The following TSPAN11 variants were observed in gnomAD, a reference collection of about 807,000 sequenced individuals.
TSPAN11 encodes the protein tetraspanin-11.
In TSPAN11, 29 loss-of-function variants were observed where a neutral mutation model predicts 32.9. The ratio of observed to expected loss-of-function variants is 0.88; its 90% CI spans 0.66 to 1.20. The LOEUF is 1.20. Among genes scored for constraint, TSPAN11 ranks in the 50% most tolerant of loss-of-function variants. The pLI is 0.00. For missense variants in TSPAN11, 283 were observed against 329.1 expected (o/e 0.86, Z 1.08); for synonymous variants, 140 against 141.3 (o/e 0.99, Z 0.07).
downstream of TSPAN11, among the ~76,000 whole-genome samples, chr12:31,001,030 C>T (rs1939473084): frequency 6.6e-6 from 1 of 152,206 alleles, no homozygotes. Flanking sequence ...ACTGCAGCGC[C>T]TGTGCCTGAT....
At chr12:30,943,281 C>G (rs1186725644) in intron 1 of TSPAN11, among the ~76,000 whole-genome samples, 2 of 152,184 alleles carry the variant, frequency 1.3e-5, no homozygotes, top group East Asian at 3.8e-4. Context: ...AAGGAAAAGT[C>G]AAACGTCTGC....
rs112150592 is a variant in TSPAN11 at position 30,939,722 on chromosome 12, G to A, written c.-12+12926G>A. 4.8e-3 allele frequency among the ~76,000 whole-genome samples: 727 copies of A among 152,210 alleles called. 1 individual carries two copies. The highest frequency in any genetic ancestry group is 7.2e-3 in the Non-Finnish European group (491 of 68,012). On this transcript the variant is annotated intron_variant, in intron 1 of 7. Transcript: ENST00000546076. The stretch of plus-strand genomic sequence containing the variant: ...GGAGCAAAGGCAAGAAAAAGAGGGC[G>A]AAGGGTTAGGAGAAGTGAGGAGACT...
downstream of TSPAN11, among the ~76,000 whole-genome samples, chr12:31,000,352 G>C (rs112426505): frequency 6.6e-6 from 1 of 152,100 alleles, no homozygotes; most frequent in African/African-American, 2.4e-5. Flanking sequence ...CTGTATCCCC[G>C]GCTTTCAGCC....
rs1320892153 is a variant in TSPAN11, at chr12:30,926,899, G to A, written c.-12+103G>A. ...CGCTGCCCGCCCCGCCGGCAGTCCC[G>A]AGCTAGACTGTCCCGAGCTTCCCCC... On this transcript the variant is annotated intron_variant, in intron 1 of 7. Transcript: ENST00000546076. 1.1e-5 allele frequency: 14 copies of A among 1,274,270 alleles called. No homozygotes were observed. The Admixed American group carries it at 2.9e-4, about 27-fold the overall frequency. The allele number at this position is 1,274,270 out of a possible 1,614,324, so 78.9% of individuals were successfully genotyped here. A position where few individuals can be genotyped will look rare whatever the true frequency, so the allele number is the denominator to read the frequency against.
At chr12:30,988,363 G>C (rs1939243339) in intron 7 of TSPAN11, 1 of 152,332 alleles carries the variant, frequency 6.6e-6, no homozygotes, top group African/African-American at 2.4e-5. Context: ...GCGGAGGCAG[G>C]GGGATCACAA....
downstream of TSPAN11, among the ~76,000 whole-genome samples, chr12:31,000,475 G>A (rs557250350): frequency 2.0e-5 from 3 of 152,310 alleles, no homozygotes; most frequent in South Asian, 2.1e-4. Flanking sequence ...GCCTCTATAC[G>A]CATGCTTTTA....
chr12:30,980,050 C>T (rs1211364898), intron 5 of TSPAN11, among the ~76,000 whole-genome samples: 1 of 152,208 alleles, frequency 6.6e-6, no homozygotes, highest in Non-Finnish European at 1.5e-5. Context: ...GTGGGGCTGC[C>T]TTCCTCCTTC....
chr12:30,944,997 C>G (rs2140278015), intron 1 of TSPAN11, among the ~76,000 whole-genome samples: 1 of 152,294 alleles, frequency 6.6e-6, no homozygotes, highest in Middle Eastern at 3.4e-3. Context: ...CAGACTGTTC[C>G]AGGCCCTAAC....
At chr12:30,964,984 T>C (rs1343167752) in intron 3 of TSPAN11, among the ~76,000 whole-genome samples, 3 of 152,186 alleles carry the variant, frequency 2.0e-5, no homozygotes, top group African/African-American at 7.2e-5. Flanking sequence ...CACCCCCACA[T>C]GGGGCCTACC....
At chr12:30,939,300 A>C (rs896045980) in intron 1 of TSPAN11, among the ~76,000 whole-genome samples, 9 of 151,658 alleles carry the variant, frequency 5.9e-5, no homozygotes, top group Non-Finnish European at 1.3e-4. Context: ...GAGACAAGTA[A>C]GAAAACTGGG....
the TSPAN11 span, among the ~76,000 whole-genome samples, chr12:31,009,285 C>G: frequency 6.6e-6 from 1 of 152,194 alleles, no homozygotes. Context: ...CCCACCTCCT[C>G]CTCCAGGCCT....
At chr12:30,943,059 C>G (rs1267126502) in intron 1 of TSPAN11, among the ~76,000 whole-genome samples, 1 of 152,182 alleles carries the variant, frequency 6.6e-6, no homozygotes, top group African/African-American at 2.4e-5. Context: ...GTGATTCCCT[C>G]CAGAGGGTTC....
chr12:30,958,065 G>T (rs946766102), intron 2 of TSPAN11, among the ~76,000 whole-genome samples: 1 of 152,008 alleles, frequency 6.6e-6, no homozygotes, highest in East Asian at 1.9e-4. Context: ...TGCTGGGAGA[G>T]GGGGGCAGGG....
At chr12:30,969,394 C>A (rs943550471) in intron 3 of TSPAN11, among the ~76,000 whole-genome samples, 3 of 152,248 alleles carry the variant, frequency 2.0e-5, no homozygotes, top group African/African-American at 7.2e-5. Flanking sequence ...CCCCACCATT[C>A]TATAGCCAGG....
intron 5 of TSPAN11, among the ~76,000 whole-genome samples, chr12:30,981,411 TCAGTCCTTA>T (rs2140305706): frequency 6.6e-6 from 1 of 152,310 alleles, no homozygotes; most frequent in Non-Finnish European, 1.5e-5. Context: ...ATCACCTCTT[TCAGTCCTTA>T]CAACAGCATG....
At chr12:30,973,849 TAG>T (rs1381298220) in intron 3 of TSPAN11, among the ~76,000 whole-genome samples, 1 of 152,190 alleles carries the variant, frequency 6.6e-6, no homozygotes, top group Non-Finnish European at 1.5e-5. Flanking sequence ...TGATGCTTCC[TAG>T]AGTCAACCCT....
the TSPAN11 span, among the ~76,000 whole-genome samples, chr12:31,003,989 C>T: frequency 6.6e-6 from 1 of 152,300 alleles, no homozygotes; most frequent in South Asian, 2.1e-4. Context: ...TGACTAGGAG[C>T]TGGGTGGCCA....
At chr12:30,991,542 C>T (rs1006619807) in intron 7 of TSPAN11, among the ~76,000 whole-genome samples, 4 of 152,168 alleles carry the variant, frequency 2.6e-5, no homozygotes, top group African/African-American at 7.2e-5. Flanking sequence ...ACTCTCAGGC[C>T]GCCACTAGGC....
intron 1 of TSPAN11, among the ~76,000 whole-genome samples, chr12:30,941,408 T>C (rs1483926741): frequency 2.0e-5 from 3 of 152,190 alleles, no homozygotes; most frequent in African/African-American, 7.2e-5. Flanking sequence ...CACAGAGCCT[T>C]GGGCGATGCA....
Sources: gnomAD v4.1 joint callset for allele counts (sites outside exome capture counted in the v4.1 genomes callset) on GRCh38, gnomAD v4.1.1 for gene constraint, MANE v1.5 for transcripts, NCBI Gene and HGNC (gene_info 2026-07-23, HGNC 2026-07-21) for gene names.